The following NELL1 variants were observed in gnomAD, a reference collection of about 807,000 sequenced individuals.
NELL1 encodes the protein protein kinase C-binding protein NELL1.
In NELL1, 76 loss-of-function variants were observed where a neutral mutation model predicts 107.4. That is an observed-to-expected ratio of 0.71 (90% CI 0.59 to 0.86). NELL1 has a LOEUF of 0.86. Ranked by LOEUF, NELL1 falls within the 40% of genes least tolerant of loss-of-function variation. NELL1 has a pLI of 0.00. For missense variants in NELL1, 1,024 were observed against 1,005.5 expected (o/e 1.02, Z -0.25); for synonymous variants, 353 against 341.2 (o/e 1.03, Z -0.38).
chr11:21,361,086 CT>C (rs1463706726), intron 14 of NELL1, among the ~76,000 whole-genome samples: 1 of 151,856 alleles, frequency 6.6e-6, no homozygotes, highest in African/African-American at 2.4e-5. Context: ...TAAGGAGTTT[CT>C]TTTTTTGTAT....
intron 15 of NELL1, among the ~76,000 whole-genome samples, chr11:21,375,896 T>C (rs1851464865): frequency 6.6e-6 from 1 of 151,700 alleles, no homozygotes; most frequent in Non-Finnish European, 1.5e-5. Flanking sequence ...AATGGAGTTA[T>C]CTGTTTTTGC....
intron 2 of NELL1, among the ~76,000 whole-genome samples, chr11:20,772,471 G>C (rs1439907064): frequency 6.6e-6 from 1 of 152,068 alleles, no homozygotes; most frequent in Admixed American, 6.6e-5. Context: ...CATTTAATTG[G>C]TTTTATGAAT....
Position 20,938,908 on chromosome 11 carries a change from G to GTCTC in NELL1, c.1071+1079_1071+1082dup, listed in dbSNP as rs71443766. 3.6e-3 allele frequency among the ~76,000 whole-genome samples: 525 copies of GTCTC among 144,616 alleles called. 4 individuals carry two copies. Among genetic ancestry groups the GTCTC allele is most frequent in the African/African-American group, 6.9e-3 (261 of 37,890 alleles). The allele number at this position is 144,616 out of a possible 152,430, so 94.9% of individuals were successfully genotyped here. A position where few individuals can be genotyped will look rare whatever the true frequency, so the allele number is the denominator to read the frequency against. ...CATTGAAGCTCTCTCTTCTCTCTCTGTCTCTCTCTCTCTCTCTCTCTCTCT... is the reference window on the plus strand; with the variant it reads ...CATTGAAGCTCTCTCTTCTCTCTCTGTCTCTCTCTCTCTCTCTCTCTCTCTCTCT... On this transcript the variant is annotated intron_variant, in intron 10 of 19. Transcript: ENST00000357134.
At chr11:21,515,757 C>T (rs776048260) in intron 15 of NELL1, among the ~76,000 whole-genome samples, 2 of 152,194 alleles carry the variant, frequency 1.3e-5, no homozygotes, top group African/African-American at 2.4e-5. Flanking sequence ...AAAAGACTCT[C>T]TTAAGGACTC....
rs1225274063 is a variant in NELL1 at position 21,113,790 on chromosome 11, C to T, written c.1426+76C>T. On this transcript the variant is annotated intron_variant, in intron 13 of 19. Transcript: ENST00000357134. ...CATGTCTGTGTTATTATGTTTAATT[C>T]CTAGTGCACAAAGTACTATTTTTAT... is the stretch of plus-strand genomic sequence containing the variant. 3.4e-6 allele frequency: 5 copies of T among 1,453,826 alleles called. No individual in the cohort carries two copies. The African/African-American group carries it at 7.1e-5, about 21-fold the overall frequency. 90.1% of individuals were successfully genotyped at this position (1,453,826 alleles called of 1,614,324 possible).
At chr11:21,294,337 CTTT>C (rs1565153075) in intron 14 of NELL1, among the ~76,000 whole-genome samples, 1 of 152,022 alleles carries the variant, frequency 6.6e-6, no homozygotes, top group African/African-American at 2.4e-5. Context: ...ATTTGAACTT[CTTT>C]ATTTCACATT....
chr11:21,391,845 T>A (rs1418600132), intron 15 of NELL1, among the ~76,000 whole-genome samples: 1 of 151,826 alleles, frequency 6.6e-6, no homozygotes, highest in Non-Finnish European at 1.5e-5. Context: ...GGTTATCTGC[T>A]GATTTTTCAG....
At chr11:20,719,427 C>T (rs1195314117) in intron 2 of NELL1, among the ~76,000 whole-genome samples, 1 of 151,972 alleles carries the variant, frequency 6.6e-6, no homozygotes, top group African/African-American at 2.4e-5. Flanking sequence ...AAAACACACA[C>T]ACACACACAC....
chr11:21,517,230 G>T (rs1344021977), intron 15 of NELL1, among the ~76,000 whole-genome samples: 5 of 152,084 alleles, frequency 3.3e-5, no homozygotes, highest in African/African-American at 1.2e-4. Flanking sequence ...GTGGTTTTGG[G>T]CTCAGAATTT....
intron 12 of NELL1, among the ~76,000 whole-genome samples, chr11:21,048,183 G>A (rs940198): frequency 0.33 from 50,820 of 151,746 alleles, 9,672 homozygotes; most frequent in East Asian, 0.58. Context: ...GCTATTGGTA[G>A]TTTTGAAGTT....
At chr11:20,869,710 T>C (rs933252253) in intron 4 of NELL1, among the ~76,000 whole-genome samples, 1 of 152,242 alleles carries the variant, frequency 6.6e-6, no homozygotes, top group Non-Finnish European at 1.5e-5. Flanking sequence ...GCTGATTACA[T>C]CACAGGGTGT....
rs772536738 is a variant in NELL1, at chr11:21,560,327, AC to A, written c.1926del (p.His642GlnfsTer8). On this transcript the variant is annotated frameshift_variant, in exon 17 of 20. Transcript: ENST00000357134. LOFTEE classifies it high-confidence loss of function. ...TGTCCTCATGAAGGGGGGCTGAAGC[AC>A]AATGGCCAGGTGTGGACCTTGAAAG... ...GDCPHEGGLK[H>X]NGQVWTLKED... The A allele has an allele frequency of 6.2e-7, 1 of 1,612,534 alleles. No homozygotes were observed. The highest frequency in any genetic ancestry group is 8.5e-7 in the Non-Finnish European group (1 of 1,179,260).
chr11:20,764,444 G>T (rs895893195), intron 2 of NELL1, among the ~76,000 whole-genome samples: 4 of 152,092 alleles, frequency 2.6e-5, no homozygotes, highest in African/African-American at 4.8e-5. Context: ...ACATGCTGAG[G>T]CTGCATCTGG....
At chr11:21,473,040 C>G (rs568498900) in intron 15 of NELL1, among the ~76,000 whole-genome samples, 1 of 151,978 alleles carries the variant, frequency 6.6e-6, no homozygotes, top group African/African-American at 2.4e-5. Flanking sequence ...AAAGTAGGAA[C>G]TAAAATCCAA....
At chr11:20,692,745 A>G (rs1453457693) in intron 2 of NELL1, among the ~76,000 whole-genome samples, 1 of 152,118 alleles carries the variant, frequency 6.6e-6, no homozygotes, top group Non-Finnish European at 1.5e-5. Flanking sequence ...TGTGGTGCTG[A>G]GAAGAATGTA....
At chr11:21,178,805 A>G (rs1267977951) in intron 13 of NELL1, among the ~76,000 whole-genome samples, 1 of 151,776 alleles carries the variant, frequency 6.6e-6, no homozygotes, top group Non-Finnish European at 1.5e-5. Context: ...ATTTAGTTAA[A>G]TAAAATTTTA....
chr11:21,299,599 T>C (rs551416523), intron 14 of NELL1, among the ~76,000 whole-genome samples: 2 of 150,768 alleles, frequency 1.3e-5, no homozygotes, highest in East Asian at 3.9e-4. Context: ...GGTAGATTGG[T>C]CACCTGTAAT....
intron 12 of NELL1, among the ~76,000 whole-genome samples, chr11:20,964,525 G>A (rs978786680): frequency 1.5e-4 from 23 of 152,068 alleles, no homozygotes; most frequent in African/African-American, 7.2e-5. Flanking sequence ...AGAAAGTTGC[G>A]GCATTGGCCA....
intron 15 of NELL1, among the ~76,000 whole-genome samples, chr11:21,521,229 T>G (rs75863832): frequency 2.3e-3 from 352 of 152,346 alleles, no homozygotes; most frequent in African/African-American, 8.0e-3. Context: ...ATTTTATATT[T>G]TCCTTGTAGT....
Sources: gnomAD v4.1 joint callset for allele counts (sites outside exome capture counted in the v4.1 genomes callset) on GRCh38, gnomAD v4.1.1 for gene constraint, MANE v1.5 for transcripts, NCBI Gene and HGNC (gene_info 2026-07-23, HGNC 2026-07-21) for gene names.